Variants in CTNNA3 observed in about 807,000 individuals in gnomAD.
The protein encoded by CTNNA3 is catenin alpha-3.
CTNNA3 carries 76 observed loss-of-function variants against 95.7 expected under a neutral mutation model. That is an observed-to-expected ratio of 0.79 (90% CI 0.66 to 0.96). CTNNA3 has a LOEUF of 0.96. Ranked by LOEUF, CTNNA3 falls within the 40% of genes least tolerant of loss-of-function variation. The pLI is 0.00. For missense variants in CTNNA3, 1,191 were observed against 1,089.8 expected, an observed-to-expected ratio of 1.09 and a Z score of -1.31; for synonymous variants, 431 against 374.4, an observed-to-expected ratio of 1.15 and a Z score of -1.74.
chr10:66,263,509 G>T (rs934356631), intron 13 of CTNNA3, among the ~76,000 whole-genome samples: 6 of 151,784 alleles, frequency 4.0e-5, no homozygotes, highest in Non-Finnish European at 8.8e-5. Flanking sequence ...TCATTGTCAG[G>T]GTATCAGAGT....
In CTNNA3 at chr10:66,716,023, C is replaced by A. The variant is rs1848438235; in HGVS notation, c.1281+50241G>T. 2.6e-5 allele frequency among the ~76,000 whole-genome samples: 4 copies of A among 152,072 alleles called. No homozygotes were observed. In the South Asian group the frequency reaches 8.3e-4, roughly 32 times the overall value. ...TTAATTTCAGAATATTTCATTAAAG[C>A]TGACATTTTCTCATTTAATTTTGTC... On this transcript the variant is annotated intron_variant, in intron 9 of 17. Transcript: ENST00000433211.
intron 17 of CTNNA3, among the ~76,000 whole-genome samples, chr10:65,957,443 T>C (rs1190037338): frequency 3.3e-5 from 5 of 152,234 alleles, no homozygotes; most frequent in Middle Eastern, 3.2e-3. Flanking sequence ...TGATGTTAGC[T>C]GGTTATTTTG....
At chr10:65,938,816 A>T (rs192452269) in intron 17 of CTNNA3, among the ~76,000 whole-genome samples, 2 of 152,250 alleles carry the variant, frequency 1.3e-5, no homozygotes, top group East Asian at 3.9e-4. Flanking sequence ...TCTGAATGAT[A>T]AGGGATCAAA....
At chr10:65,930,088 G>A (rs2077226678) in intron 17 of CTNNA3, among the ~76,000 whole-genome samples, 2 of 148,176 alleles carry the variant, frequency 1.3e-5, no homozygotes, top group African/African-American at 2.5e-5. Flanking sequence ...GCACACACCT[G>A]TACTTACACA....
At chr10:66,280,857 G>A (rs2091480180) in intron 12 of CTNNA3, among the ~76,000 whole-genome samples, 1 of 151,674 alleles carries the variant, frequency 6.6e-6, no homozygotes, top group African/African-American at 2.4e-5. Context: ...CAGGCTTCTG[G>A]AGAGAAAGGC....
chr10:66,077,975 T>C (rs2080607439), intron 14 of CTNNA3, among the ~76,000 whole-genome samples: 1 of 151,802 alleles, frequency 6.6e-6, no homozygotes, highest in Non-Finnish European at 1.5e-5. Context: ...AGAGTTTCTA[T>C]TCCCAACAGT....
intron 3 of CTNNA3, among the ~76,000 whole-genome samples, chr10:67,550,351 C>T (rs1840980807): frequency 6.6e-6 from 1 of 152,100 alleles, no homozygotes; most frequent in Non-Finnish European, 1.5e-5. Context: ...TCTCCTCACC[C>T]CAAAGCATAA....
intron 7 of CTNNA3, among the ~76,000 whole-genome samples, chr10:66,815,064 A>G (rs1010064248): frequency 1.3e-5 from 2 of 151,872 alleles, no homozygotes; most frequent in Admixed American, 6.6e-5. Flanking sequence ...ATTCGCCAAC[A>G]TTTTTTAAAC....
chr10:67,417,618 G>GT (rs1381239705), intron 5 of CTNNA3, among the ~76,000 whole-genome samples: 1 of 151,820 alleles, frequency 6.6e-6, no homozygotes, highest in African/African-American at 2.4e-5. Context: ...AGATAGGGTT[G>GT]TCACATGTTG....
At chr10:67,755,800 C>A (rs1413459916) in intron 1 of CTNNA3, among the ~76,000 whole-genome samples, 3 of 82,018 alleles carry the variant, frequency 3.7e-5, no homozygotes, top group African/African-American at 5.6e-5. Context: ...GAGTCTCTGC[C>A]TCAAAAAAAA....
chr10:66,702,178 A>G (rs902749535), intron 9 of CTNNA3, among the ~76,000 whole-genome samples: 2 of 152,162 alleles, frequency 1.3e-5, no homozygotes, highest in African/African-American at 4.8e-5. Flanking sequence ...TAAGCAGCAC[A>G]GCAGCATCAC....
chr10:66,373,279 T>C (rs2092767853), intron 12 of CTNNA3, among the ~76,000 whole-genome samples: 1 of 152,148 alleles, frequency 6.6e-6, no homozygotes, highest in Non-Finnish European at 1.5e-5. Context: ...TTGCCATTCT[T>C]ATTTTAGTTC....
At chr10:66,598,311 A>G (rs1843796976) in intron 10 of CTNNA3, among the ~76,000 whole-genome samples, 1 of 152,076 alleles carries the variant, frequency 6.6e-6, no homozygotes, top group African/African-American at 2.4e-5. Context: ...ATCACACTCA[A>G]TGATGAAAAT....
chr10:66,045,942 C>T (rs2079819227), intron 15 of CTNNA3, among the ~76,000 whole-genome samples: 1 of 151,932 alleles, frequency 6.6e-6, no homozygotes. Context: ...GTGTAATGTA[C>T]AAGAAAGTTT....
chr10:66,104,032 A>G (rs2081776068), intron 13 of CTNNA3, among the ~76,000 whole-genome samples: 1 of 152,234 alleles, frequency 6.6e-6, no homozygotes, highest in Non-Finnish European at 1.5e-5. Context: ...GATAATCATC[A>G]TTAAAATCAT....
At chr10:66,094,164 AAG>A (rs1468458074) in intron 14 of CTNNA3, among the ~76,000 whole-genome samples, 2 of 152,046 alleles carry the variant, frequency 1.3e-5, no homozygotes, top group Non-Finnish European at 2.9e-5. Context: ...AGTAAAGGGA[AAG>A]AGGGGGCAGC....
chr10:67,742,710 G>T (rs1226419570), intron 1 of CTNNA3, among the ~76,000 whole-genome samples: 1 of 151,048 alleles, frequency 6.6e-6, no homozygotes, highest in Admixed American at 6.6e-5. Flanking sequence ...AATGAATCCA[G>T]GAGCTGGTTT....
intron 3 of CTNNA3, among the ~76,000 whole-genome samples, chr10:67,563,580 A>G (rs1164887621): frequency 1.3e-5 from 2 of 152,152 alleles, no homozygotes; most frequent in African/African-American, 4.8e-5. Flanking sequence ...ACATAGGCAC[A>G]GGCAAGGACT....
At chr10:67,263,558 G>C (rs887668309) in intron 5 of CTNNA3, among the ~76,000 whole-genome samples, 2 of 152,108 alleles carry the variant, frequency 1.3e-5, no homozygotes, top group Non-Finnish European at 2.9e-5. Flanking sequence ...CCTCAAGAAA[G>C]GATTTAAAGT....
Sources: allele counts gnomAD v4.1 joint callset (sites outside exome capture counted in the v4.1 genomes callset), GRCh38; gene constraint gnomAD v4.1.1; transcripts MANE v1.5; gene names NCBI Gene and HGNC (gene_info 2026-07-23, HGNC 2026-07-21).